Variants in GANC observed in about 807,000 individuals in gnomAD.
GANC encodes neutral alpha-glucosidase C.
Under a neutral mutation model 124.2 loss-of-function variants are expected in GANC, and 117 were observed. The ratio of observed to expected loss-of-function variants is 0.94; its 90% CI spans 0.81 to 1.10. The LOEUF is 1.10. Among genes scored for constraint, GANC ranks in the 50% least tolerant of loss-of-function variants. The probability of loss-of-function intolerance (pLI) is 0.00; values close to 1 mark genes in which losing one functional copy is unlikely to be tolerated. For missense variants in GANC, 1,140 were observed against 1,095.0 expected, an observed-to-expected ratio of 1.04 and a Z score of -0.58; for synonymous variants, 377 against 376.8, an observed-to-expected ratio of 1.00 and a Z score of -0.01.
Position 42,310,380 on chromosome 15 carries a change from C to T in GANC, c.820C>T (p.His274Tyr), listed in dbSNP as rs1169240933. ...IYGSVPYLLA[H>Y]KLGRTIGIFW... is the part of the protein sequence containing the mutation. Reference sequence around the variant, plus strand: ...TGGTTCAGTACCTTATCTCCTGGCCCACAAACTGGGCAGAACTATAGGTAT... The same window carrying T: ...TGGTTCAGTACCTTATCTCCTGGCCTACAAACTGGGCAGAACTATAGGTAT... The change falls in exon 9 of 24, where the codon CAC (histidine) becomes TAC (tyrosine). Residue 274 changes from histidine (H) to tyrosine (Y), a missense_variant. Physicochemically the swap from His to Tyr is moderately conservative, Grantham distance 83. Transcript: ENST00000318010. 6.2e-7 allele frequency: 1 copy of T among 1,613,816 alleles called. No individual in the cohort carries two copies. The highest frequency in any genetic ancestry group is 1.3e-5 in the African/African-American group (1 of 74,898).
intron 18 of GANC, 87 bp from the exon 19 acceptor site, chr15:42,342,991 C>A: frequency 1.8e-6 from 2 of 1,100,864 alleles, no homozygotes; most frequent in Non-Finnish European, 2.7e-6. Context: ...TCTGTAACAC[C>A]ATGATAGCTA....
At chr15:42,315,761 A>C (rs1419795030) in intron 10 of GANC, among the ~76,000 whole-genome samples, 1 of 152,176 alleles carries the variant, frequency 6.6e-6, no homozygotes, top group Non-Finnish European at 1.5e-5. Flanking sequence ...ATTACTCTCC[A>C]TAATGAGAGT....
At chr15:42,312,889 A>G (rs926813099) in intron 10 of GANC, among the ~76,000 whole-genome samples, 5 of 151,444 alleles carry the variant, frequency 3.3e-5, no homozygotes, top group African/African-American at 1.2e-4. Context: ...GCAGTGAGCC[A>G]AGATCATGCC....
At chr15:42,327,787 A>C (rs1018289842) in intron 13 of GANC, among the ~76,000 whole-genome samples, 4 of 152,240 alleles carry the variant, frequency 2.6e-5, no homozygotes, top group Non-Finnish European at 4.4e-5. Flanking sequence ...ATACATGTGA[A>C]AATATCTTAC....
chr15:42,320,217 T>G (rs550980304), intron 10 of GANC, among the ~76,000 whole-genome samples: 1 of 152,038 alleles, frequency 6.6e-6, no homozygotes, highest in Non-Finnish European at 1.5e-5. Context: ...TAAAAAAAAG[T>G]TTCAGATTTT....
At chr15:42,290,762 C>T (rs889156429) in intron 4 of GANC, among the ~76,000 whole-genome samples, 6 of 152,114 alleles carry the variant, frequency 3.9e-5, no homozygotes, top group South Asian at 2.1e-4. Context: ...GAACTATGAT[C>T]GCACCACTGC....
chr15:42,349,494 A>T lies in GANC; in HGVS notation c.2530A>T (p.Ser844Cys). 1 of 1,547,424 alleles carries T rather than the reference A, an allele frequency of 6.5e-7. No individual in the cohort carries two copies. The highest frequency in any genetic ancestry group is 8.9e-7 in the Non-Finnish European group (1 of 1,119,350). Reference sequence around the variant, plus strand: ...ATTCTGTTCCAGTGTTCTGATCAATAGGTAATGGCAGCTAAAGAAACTGTT... The same window carrying T: ...ATTCTGTTCCAGTGTTCTGATCAATTGGTAATGGCAGCTAAAGAAACTGTT... ...FSFCSSVLIN[S>C]FADQRGHYPS... The change falls in exon 22 of 24, where the codon AGT becomes TGT. Residue 844 changes from serine (S) to cysteine (C), a missense_variant and splice_region_variant. Coordinates refer to ENST00000318010, the MANE Select transcript of GANC (RefSeq NM_198141.3).
chr15:42,287,541 TG>T (rs537825448), intron 3 of GANC, 149 bp from the exon 4 acceptor site: 29 of 702,154 alleles, frequency 4.1e-5, no homozygotes, highest in Non-Finnish European at 5.8e-5. Flanking sequence ...ATACATAAAC[TG>T]GGGAGCTTTT....
Position 42,316,496 on chromosome 15 carries a change from CA to C in GANC, c.1058-5288del, listed in dbSNP as rs572269878. On this transcript the variant is annotated intron_variant, in intron 10 of 23. Coordinates refer to ENST00000318010, the MANE Select transcript of GANC (RefSeq NM_198141.3). ...AGGCAGCCAAAGCAGAGAGGGAAGG[CA>C]GCATTTTCTTCTATGCGTTTTCTTC... 2.0e-4 allele frequency among the ~76,000 whole-genome samples: 30 copies of C among 152,284 alleles called. No individual in the cohort carries two copies. In the South Asian group the frequency reaches 4.4e-3, roughly 22 times the overall value.
At chr15:42,309,897 G>A (rs2052034467) in intron 8 of GANC, among the ~76,000 whole-genome samples, 1 of 152,084 alleles carries the variant, frequency 6.6e-6, no homozygotes, top group Non-Finnish European at 1.5e-5. Flanking sequence ...GCACGCACCT[G>A]TATTCCCCGC....
chr15:42,331,958 A>G (rs2052249341), intron 15 of GANC, among the ~76,000 whole-genome samples: 1 of 152,160 alleles, frequency 6.6e-6, no homozygotes, highest in Admixed American at 6.5e-5. Context: ...ACATATTTTC[A>G]GGATATGTGT....
At position 42,310,755 on chromosome 15, in the gene GANC, G is replaced by A. The variant is rs956315688; in HGVS notation, c.966G>A (p.Val322=). ...AAAAGGTCAGATCTCGCACTCATGT[G>A]CACTGGATGTCAGAGAGTGGCATCA... ...AKQKVRSRTH[V]HWMSESGIID... The change falls in exon 10 of 24, where the codon GTG becomes GTA. Residue 322 remains valine, a synonymous_variant. Coordinates refer to ENST00000318010, the MANE Select transcript of GANC (RefSeq NM_198141.3). 6.2e-7 allele frequency: 1 copy of A among 1,614,130 alleles called. No individual in the cohort carries two copies. Among genetic ancestry groups the A allele is most frequent in the Non-Finnish European group, 8.5e-7 (1 of 1,180,002 alleles).
intron 23 of GANC, 129 bp from the exon 24 acceptor site, chr15:42,351,901 A>AGTGCTATTAATTTG: frequency 8.7e-7 from 1 of 1,147,804 alleles, no homozygotes; most frequent in Non-Finnish European, 1.2e-6. Context: ...CATGGGTAAA[A>AGTGCTATTAATTTG]GTGCTATTAA....
chr15:42,282,976 C>T (rs2051748895), intron 3 of GANC, among the ~76,000 whole-genome samples: 1 of 152,166 alleles, frequency 6.6e-6, no homozygotes, highest in Non-Finnish European at 1.5e-5. Context: ...GGCACTAATC[C>T]ATTCCTGAGG....
At chr15:42,333,743 C>T (rs186135384) in intron 15 of GANC, among the ~76,000 whole-genome samples, 1 of 152,284 alleles carries the variant, frequency 6.6e-6, no homozygotes, top group Admixed American at 6.5e-5. Flanking sequence ...GCAAACTATT[C>T]GGCATAACAC....
At chr15:42,322,406 G>C (rs2052167485) in intron 11 of GANC, among the ~76,000 whole-genome samples, 1 of 152,188 alleles carries the variant, frequency 6.6e-6, no homozygotes, top group African/African-American at 2.4e-5. Flanking sequence ...GGGGAGAGCA[G>C]GGGTGGCTCC....
intron 18 of GANC, among the ~76,000 whole-genome samples, chr15:42,341,686 C>G (rs1283665218): frequency 6.6e-6 from 1 of 152,088 alleles, no homozygotes; most frequent in Admixed American, 6.5e-5. Flanking sequence ...ACCTCAGCCT[C>G]TCGAGTAGCT....
Position 42,323,864 on chromosome 15 carries a change from G to A in GANC, c.1293+1844G>A, listed in dbSNP as rs147292157. On this transcript the variant is annotated intron_variant, in intron 11 of 23. Transcript: ENST00000318010. ...CTAACTAATGAGTAAGCAGGGAGAG[G>A]GAAGAGGGCAATGCAGCCAGAGGAA... 7.4e-3 allele frequency among the ~76,000 whole-genome samples: 1,133 copies of A among 152,168 alleles called. 11 individuals are homozygous for A. The highest frequency in any genetic ancestry group is 0.026 in the African/African-American group (1,081 of 41,524).
rs1375979566 is a variant in GANC at position 42,287,797 on chromosome 15, C to A, written c.308C>A (p.Thr103Lys). The change falls in exon 4 of 24, where the codon ACA becomes AAA. Residue 103 changes from threonine to lysine, a missense_variant. Thr to Lys is a moderately conservative substitution (Grantham distance 78). Transcript: ENST00000318010. The part of the protein sequence containing the change: ...KPRFEVPDVL[T>K]SKPSTVRLIS... ...AGATTTGAAGTTCCGGATGTCCTCA[C>A]AAGCAAGCCAAGCACTGTAAGGTAA... 3.1e-6 allele frequency: 5 copies of A among 1,613,082 alleles called. No homozygotes were observed.
Sources: allele counts gnomAD v4.1 joint callset (sites outside exome capture counted in the v4.1 genomes callset), GRCh38; gene constraint gnomAD v4.1.1; transcripts MANE v1.5; gene names NCBI Gene and HGNC (gene_info 2026-07-23, HGNC 2026-07-21).